Variants in EPB41L4B observed in about 807,000 individuals in gnomAD.
EPB41L4B encodes erythrocyte membrane protein band 4.1 like 4B, also known as band 4.1-like protein 4B.
A neutral mutation model predicts 112.5 loss-of-function variants in EPB41L4B; 30 were observed. The observed-to-expected ratio is 0.27, with a 90% CI of 0.20 to 0.36. EPB41L4B has a LOEUF of 0.36. EPB41L4B is among the 10% of genes least tolerant of loss of function. The pLI is 1.00. For synonymous variants in EPB41L4B, 408 were observed against 439.7 expected (o/e 0.93, Z 0.90); for missense variants, 1,024 against 1,133.3 (o/e 0.90, Z 1.38).
chr9:109,311,127 CAA>C (rs1323325589), intron 1 of EPB41L4B, among the ~76,000 whole-genome samples: 1 of 152,056 alleles, frequency 6.6e-6, no homozygotes, highest in Non-Finnish European at 1.5e-5. Context: ...GTGAAGGTTG[CAA>C]AACAGTGTGA....
At chr9:109,185,683 A>G in intron 22 of EPB41L4B, 78 bp from the exon 23 acceptor site, 1 of 1,089,760 alleles carries the variant, frequency 9.2e-7, no homozygotes, top group Non-Finnish European at 1.3e-6. Flanking sequence ...AGGGGAAGGG[A>G]AAGGAGAGAA....
intron 1 of EPB41L4B, among the ~76,000 whole-genome samples, chr9:109,285,953 A>G (rs893253050): frequency 1.3e-5 from 2 of 152,014 alleles, no homozygotes; most frequent in Non-Finnish European, 2.9e-5. Flanking sequence ...ATACATACTC[A>G]TCACACTGTA....
At chr9:109,283,557 A>T (rs1037799866) in intron 1 of EPB41L4B, among the ~76,000 whole-genome samples, 2 of 152,204 alleles carry the variant, frequency 1.3e-5, no homozygotes, top group Non-Finnish European at 2.9e-5. Flanking sequence ...AATACTGTTC[A>T]GCCATTATAC....
chr9:109,233,752 G>C (rs1457309507), intron 15 of EPB41L4B, among the ~76,000 whole-genome samples: 1 of 151,990 alleles, frequency 6.6e-6, no homozygotes, highest in Non-Finnish European at 1.5e-5. Context: ...GGCTAGTCTT[G>C]AACTCCTGAC....
intron 14 of EPB41L4B, 71 bp from the exon 15 acceptor site, chr9:109,243,753 G>T: frequency 6.7e-7 from 1 of 1,493,130 alleles, no homozygotes; most frequent in Non-Finnish European, 9.3e-7. Flanking sequence ...CGCTTTGTCT[G>T]TTCCTGGCAT....
intron 1 of EPB41L4B, among the ~76,000 whole-genome samples, chr9:109,298,832 C>T (rs1836841796): frequency 6.6e-6 from 1 of 152,170 alleles, no homozygotes; most frequent in South Asian, 2.1e-4. Context: ...AATGGTTGAG[C>T]ACACAGGGCT....
intron 22 of EPB41L4B, among the ~76,000 whole-genome samples, chr9:109,189,814 A>G (rs1832398137): frequency 6.6e-6 from 1 of 151,994 alleles, no homozygotes; most frequent in Admixed American, 6.6e-5. Flanking sequence ...TTATTAGCAG[A>G]GATGGGGTTT....
chr9:109,265,333 CG>C (rs1331854006), intron 4 of EPB41L4B, among the ~76,000 whole-genome samples: 2 of 152,344 alleles, frequency 1.3e-5, no homozygotes, highest in East Asian at 3.9e-4. Flanking sequence ...GAGAGCCGAA[CG>C]TGGCACATGG....
chr9:109,316,165 A>T (rs1837626450), intron 1 of EPB41L4B, among the ~76,000 whole-genome samples: 1 of 152,186 alleles, frequency 6.6e-6, no homozygotes, highest in African/African-American at 2.4e-5. Flanking sequence ...GCAATATGCA[A>T]AGGTAGATCT....
At chr9:109,183,450 G>A (rs1832139855) in intron 23 of EPB41L4B, among the ~76,000 whole-genome samples, 1 of 152,178 alleles carries the variant, frequency 6.6e-6, no homozygotes, top group African/African-American at 2.4e-5. Context: ...GGGAGTACCT[G>A]TAGTACTGAG....
At chr9:109,271,023 C>T (rs559019722) in intron 2 of EPB41L4B, among the ~76,000 whole-genome samples, 1 of 152,366 alleles carries the variant, frequency 6.6e-6, no homozygotes, top group Admixed American at 6.5e-5. Flanking sequence ...GATCTTGAAA[C>T]ATGCACAACC....
chr9:109,310,155 G>A (rs565784861), intron 1 of EPB41L4B, among the ~76,000 whole-genome samples: 2 of 152,170 alleles, frequency 1.3e-5, no homozygotes, highest in South Asian at 4.2e-4. Context: ...TGCATGCAAT[G>A]GAATAACTAC....
chr9:109,266,197 C>T (rs191087697), intron 4 of EPB41L4B, among the ~76,000 whole-genome samples: 180 of 152,206 alleles, frequency 1.2e-3, no homozygotes, highest in African/African-American at 3.9e-3. Context: ...CAGGGCAAAA[C>T]GCTGTCTCTA....
intron 18 of EPB41L4B, among the ~76,000 whole-genome samples, chr9:109,204,019 A>G (rs1832916347): frequency 6.6e-6 from 1 of 152,212 alleles, no homozygotes. Flanking sequence ...TTAGAAAGGG[A>G]TAGTGTGGGA....
chr9:109,293,266 TATG>T (rs1836600479), intron 1 of EPB41L4B, among the ~76,000 whole-genome samples: 2 of 152,262 alleles, frequency 1.3e-5, no homozygotes, highest in African/African-American at 4.8e-5. Flanking sequence ...ATTTTGTATT[TATG>T]ATGTTTTTCA....
intron 1 of EPB41L4B, among the ~76,000 whole-genome samples, chr9:109,319,513 G>A (rs536654558): frequency 6.6e-6 from 1 of 152,222 alleles, no homozygotes; most frequent in Non-Finnish European, 1.5e-5. Context: ...CACCCTACCC[G>A]CTGCGAGGAG....
At chr9:109,319,434 C>A (rs1039506507) in intron 1 of EPB41L4B, among the ~76,000 whole-genome samples, 6 of 152,198 alleles carry the variant, frequency 3.9e-5, no homozygotes, top group Non-Finnish European at 8.8e-5. Context: ...CCCAGCGCCC[C>A]AGCAAAGGGC....
At chr9:109,182,611 A>T in intron 24 of EPB41L4B, 118 bp downstream of exon 24, 1 of 731,598 alleles carries the variant, frequency 1.4e-6, no homozygotes. Context: ...TCCCAACCTC[A>T]CAGAGTTCAA....
intron 2 of EPB41L4B, among the ~76,000 whole-genome samples, chr9:109,271,588 C>A (rs1835622106): frequency 6.6e-6 from 1 of 152,230 alleles, no homozygotes. Context: ...GCAATGAAAG[C>A]CCAACATGGC....
Sources: gnomAD v4.1 joint callset for allele counts (sites outside exome capture counted in the v4.1 genomes callset) on GRCh38, gnomAD v4.1.1 for gene constraint, MANE v1.5 for transcripts, NCBI Gene and HGNC (gene_info 2026-07-23, HGNC 2026-07-21) for gene names.